The following AKAP19 variants were observed in gnomAD, a reference collection of about 807,000 sequenced individuals.
AKAP19 encodes the protein A-kinase anchoring protein 19, also known as small A-kinase anchoring protein.
At chr2:190,117,917 T>C in the AKAP19 span, among the ~76,000 whole-genome samples, 1 of 152,172 alleles carries the variant, frequency 6.6e-6, no homozygotes, top group Admixed American at 6.5e-5. Context: ...CTGCTGGTAC[T>C]TTTGGATTAG....
At chr2:189,923,718 C>T in the AKAP19 span, 2 of 1,613,652 alleles carry the variant, frequency 1.2e-6, no homozygotes, top group African/African-American at 2.7e-5. Context: ...AGTTACCCAG[C>T]ACGTGTACCT....
the AKAP19 span, among the ~76,000 whole-genome samples, chr2:189,993,080 T>A: frequency 6.6e-6 from 1 of 152,230 alleles, no homozygotes; most frequent in Non-Finnish European, 1.5e-5. Flanking sequence ...AAAGTGGGCA[T>A]CCTTGTCTTG....
the AKAP19 span, among the ~76,000 whole-genome samples, chr2:190,173,446 G>A: frequency 6.6e-6 from 1 of 152,194 alleles, no homozygotes; most frequent in African/African-American, 2.4e-5. Context: ...TCCTCATAGA[G>A]GGCATACACT....
the AKAP19 span, among the ~76,000 whole-genome samples, chr2:190,185,492 T>TTC: frequency 1.3e-5 from 2 of 152,226 alleles, no homozygotes; most frequent in African/African-American, 4.8e-5. Context: ...AGAGCTCCTT[T>TTC]TCATTTTTCT....
At chr2:189,963,293 C>T in the AKAP19 span, among the ~76,000 whole-genome samples, 6 of 151,470 alleles carry the variant, frequency 4.0e-5, no homozygotes, top group Non-Finnish European at 7.4e-5. Flanking sequence ...CTCCCAGGTT[C>T]ACACCATTCT....
chr2:189,954,850 C>A, the AKAP19 span, among the ~76,000 whole-genome samples: 1 of 152,174 alleles, frequency 6.6e-6, no homozygotes, highest in Non-Finnish European at 1.5e-5. Context: ...TTGCATACTA[C>A]TGATGTTTAA....
the AKAP19 span, among the ~76,000 whole-genome samples, chr2:190,027,105 A>G: frequency 6.6e-6 from 1 of 152,222 alleles, no homozygotes; most frequent in Non-Finnish European, 1.5e-5. Context: ...AAGTTCTTAA[A>G]TTGGCCCTTG....
chr2:189,980,212 A>G, the AKAP19 span, among the ~76,000 whole-genome samples: 1 of 152,232 alleles, frequency 6.6e-6, no homozygotes, highest in Non-Finnish European at 1.5e-5. Flanking sequence ...CATATACACC[A>G]TGGAATACCA....
chr2:190,071,988 C>A, the AKAP19 span, among the ~76,000 whole-genome samples: 3 of 151,844 alleles, frequency 2.0e-5, no homozygotes, highest in African/African-American at 7.3e-5. Flanking sequence ...AATCTTAAAG[C>A]ATGGAACGAT....
the AKAP19 span, among the ~76,000 whole-genome samples, chr2:190,038,986 CCTTT>C: frequency 2.1e-4 from 25 of 117,968 alleles, no homozygotes; most frequent in Middle Eastern, 8.3e-3. Flanking sequence ...TCTTCTTCTT[CCTTT>C]CTTTCTTCTC....
At chr2:190,188,565 T>A in the AKAP19 span, among the ~76,000 whole-genome samples, 1 of 152,238 alleles carries the variant, frequency 6.6e-6, no homozygotes, top group Non-Finnish European at 1.5e-5. Flanking sequence ...TGACTTGCAT[T>A]AATGGCTAAC....
the AKAP19 span, among the ~76,000 whole-genome samples, chr2:190,093,988 C>A: frequency 6.6e-6 from 1 of 152,188 alleles, no homozygotes; most frequent in Non-Finnish European, 1.5e-5. Flanking sequence ...GGTGCTGTTA[C>A]GAAAGCAGCA....
chr2:189,941,592 A>C, the AKAP19 span, among the ~76,000 whole-genome samples: 2 of 152,248 alleles, frequency 1.3e-5, no homozygotes, highest in Non-Finnish European at 2.9e-5. Flanking sequence ...CAAAGTAAAT[A>C]TAAAATAAAA....
chr2:190,092,960 C>T, the AKAP19 span, among the ~76,000 whole-genome samples: 13 of 152,202 alleles, frequency 8.5e-5, no homozygotes, highest in African/African-American at 2.7e-4. Context: ...AGGGAAATAC[C>T]AGAAATACCC....
chr2:189,915,322 A>T, the AKAP19 span, among the ~76,000 whole-genome samples: 1 of 152,074 alleles, frequency 6.6e-6, no homozygotes, highest in Admixed American at 6.5e-5. Flanking sequence ...GTTTTTACCT[A>T]TGTTACGTTA....
At chr2:190,105,282 A>G in the AKAP19 span, among the ~76,000 whole-genome samples, 1 of 152,190 alleles carries the variant, frequency 6.6e-6, no homozygotes, top group African/African-American at 2.4e-5. Context: ...TATATATCTC[A>G]AATAATTATT....
At chr2:190,080,528 A>G in the AKAP19 span, among the ~76,000 whole-genome samples, 627 of 152,370 alleles carry the variant, frequency 4.1e-3, no homozygotes, top group Non-Finnish European at 7.0e-3. Context: ...TGATCTCTAT[A>G]TAAAGTGCCT....
At chr2:190,161,526 T>C in the AKAP19 span, among the ~76,000 whole-genome samples, 1 of 152,204 alleles carries the variant, frequency 6.6e-6, no homozygotes, top group Non-Finnish European at 1.5e-5. Context: ...TCATGTCATC[T>C]TATAGAGAGA....
At chr2:190,073,894 C>T in the AKAP19 span, among the ~76,000 whole-genome samples, 12 of 151,788 alleles carry the variant, frequency 7.9e-5, 1 homozygote, top group East Asian at 1.7e-3. Flanking sequence ...CTACTAAAAA[C>T]ACAAAAATTA....
Sources: gnomAD v4.1 joint callset for allele counts (sites outside exome capture counted in the v4.1 genomes callset) on GRCh38, gnomAD v4.1.1 for gene constraint, MANE v1.5 for transcripts, NCBI Gene and HGNC (gene_info 2026-07-23, HGNC 2026-07-21) for gene names.